The following CYTH1 variants were observed in gnomAD, a reference collection of about 807,000 sequenced individuals.
The protein encoded by CYTH1 is cytohesin 1.
Under a neutral mutation model 61.8 loss-of-function variants are expected in CYTH1, and 18 were observed. The ratio of observed to expected loss-of-function variants is 0.29; its 90% confidence interval spans 0.20 to 0.43. The LOEUF (loss-of-function observed/expected upper bound fraction) is 0.43, where lower values mean the gene tolerates loss of function less well. CYTH1 is among the 20% of genes least tolerant of loss of function. CYTH1 has a pLI of 1.00. For synonymous variants in CYTH1, 174 were observed against 184.3 expected (o/e 0.94, Z 0.45); for missense variants, 336 against 510.5 (o/e 0.66, Z 3.29).
At chr17:78,776,204 C>A (rs1040313275) in intron 1 of CYTH1, among the ~76,000 whole-genome samples, 1 of 152,068 alleles carries the variant, frequency 6.6e-6, no homozygotes, top group Non-Finnish European at 1.5e-5. Context: ...ATAATTGAAT[C>A]ACGGCAACTG....
chr17:78,744,706 A>T (rs2093353255), intron 1 of CYTH1, among the ~76,000 whole-genome samples: 1 of 152,222 alleles, frequency 6.6e-6, no homozygotes, highest in African/African-American at 2.4e-5. Context: ...AGAACTTGCC[A>T]TTCCTTGACA....
intron 10 of CYTH1, among the ~76,000 whole-genome samples, chr17:78,694,623 C>T (rs565698170): frequency 6.6e-6 from 1 of 152,120 alleles, no homozygotes; most frequent in Non-Finnish European, 1.5e-5. Context: ...CACGGAGGCT[C>T]GGCACAAAGG....
At chr17:78,704,631 C>T (rs2093046841) in intron 3 of CYTH1, among the ~76,000 whole-genome samples, 1 of 152,146 alleles carries the variant, frequency 6.6e-6, no homozygotes, top group Non-Finnish European at 1.5e-5. Context: ...AGTGATCCTC[C>T]GGCCTCAGCC....
At chr17:78,715,615 G>A (rs978737854) in intron 1 of CYTH1, among the ~76,000 whole-genome samples, 19 of 152,140 alleles carry the variant, frequency 1.2e-4, no homozygotes, top group African/African-American at 3.6e-4. Context: ...GGCATCATTC[G>A]GTTTCCTCTC....
rs143857574 is a variant in CYTH1, at chr17:78,735,867, T to C, written c.23-26135A>G. On this transcript the variant is annotated intron_variant, in intron 1 of 13. Transcript: ENST00000446868. ...CATCTGATAAGGTGCCACAATAAAA[T>C]ACAATAAAACACACACACATCCACA... is the stretch of plus-strand genomic sequence containing the variant. 2.0e-4 allele frequency among the ~76,000 whole-genome samples: 30 copies of C among 152,268 alleles called. No homozygotes were observed. The East Asian group carries it at 5.8e-3, about 29-fold the overall frequency.
At chr17:78,755,776 T>A (rs2093398239) in intron 1 of CYTH1, among the ~76,000 whole-genome samples, 1 of 151,708 alleles carries the variant, frequency 6.6e-6, no homozygotes, top group South Asian at 2.1e-4. Flanking sequence ...CTGGGCATGG[T>A]GGTGCAAGCC....
intron 1 of CYTH1, among the ~76,000 whole-genome samples, chr17:78,756,638 A>T (rs771879472): frequency 1.4e-4 from 21 of 152,344 alleles, no homozygotes; most frequent in Middle Eastern, 3.4e-3. Flanking sequence ...AAATCTGTCT[A>T]TTCAGAACTA....
At chr17:78,737,753 G>C (rs763258653) in intron 1 of CYTH1, among the ~76,000 whole-genome samples, 3 of 151,838 alleles carry the variant, frequency 2.0e-5, no homozygotes, top group Admixed American at 6.6e-5. Flanking sequence ...TTAGAAAATA[G>C]TAACAAGGAA....
Position 78,675,819 on chromosome 17 carries a change from C to A in CYTH1, c.*272G>T. The A allele has an allele frequency of 1.4e-6, 2 of 1,413,798 alleles. No homozygotes were observed. The highest frequency in any genetic ancestry group is 1.5e-5 in the South Asian group (1 of 64,872). 87.6% of individuals were successfully genotyped at this position (1,413,798 alleles called of 1,614,324 possible). On this transcript the variant is annotated 3_prime_UTR_variant, in exon 14 of 14. Coordinates refer to ENST00000446868, the MANE Select transcript of CYTH1 (RefSeq NM_004762.6). ...CCAGAACACTGAGCAGAGAAACTGG[C>A]CAGGAGGCTGCCCTGCCGACAAGAG...
intron 1 of CYTH1, among the ~76,000 whole-genome samples, chr17:78,732,200 C>G (rs2093298555): frequency 6.6e-6 from 1 of 152,204 alleles, no homozygotes; most frequent in South Asian, 2.1e-4. Flanking sequence ...CCTAAGATAC[C>G]TGCCTTTTCT....
intron 1 of CYTH1, among the ~76,000 whole-genome samples, chr17:78,712,021 G>A (rs572274027): frequency 2.0e-4 from 30 of 151,812 alleles, no homozygotes; most frequent in Admixed American, 2.0e-3. Flanking sequence ...AGAGGTTGCA[G>A]TGAGCCAAGA....
intron 1 of CYTH1, among the ~76,000 whole-genome samples, chr17:78,741,497 A>G (rs2093341739): frequency 6.6e-6 from 1 of 152,232 alleles, no homozygotes; most frequent in South Asian, 2.1e-4. Flanking sequence ...AAACATTCCT[A>G]GAGTGGGAGT....
rs907425708 is a variant in CYTH1, at chr17:78,680,316, T to C, written c.992A>G (p.Asn331Ser). The C allele has an allele frequency of 2.5e-6, 4 of 1,614,076 alleles. No homozygotes were observed. Among genetic ancestry groups the C allele is most frequent in the African/African-American group, 1.3e-5 (1 of 75,022 alleles). Reference sequence around the variant, plus strand: ...GCAGGCCTTGATAACTTGGTCTTTATTGTCGGGGATATAAAGCTCAAAGCA... The same window carrying C: ...GCAGGCCTTGATAACTTGGTCTTTACTGTCGGGGATATAAAGCTCAAAGCA... ...PNCFELYIPD[N>S]KDQVIKACKT... The change falls in exon 13 of 14, where the codon AAT (asparagine) becomes AGT (serine). Residue 331 changes from asparagine (N) to serine (S), a missense_variant. By Grantham distance (46) the Asn-to-Ser change is conservative. Transcript: ENST00000446868.
intron 1 of CYTH1, among the ~76,000 whole-genome samples, chr17:78,764,052 A>C (rs1213752365): frequency 6.6e-6 from 1 of 152,102 alleles, no homozygotes; most frequent in African/African-American, 2.4e-5. Flanking sequence ...CAGAGGTTGC[A>C]GTGAGCCAAG....
At chr17:78,711,044 C>T (rs2093123829) in intron 1 of CYTH1, among the ~76,000 whole-genome samples, 1 of 151,930 alleles carries the variant, frequency 6.6e-6, no homozygotes, top group African/African-American at 2.4e-5. Context: ...GGGCAGATCA[C>T]GAGGTCAGGA....
chr17:78,694,677 C>T (rs1033266917), intron 10 of CYTH1, among the ~76,000 whole-genome samples: 16 of 152,108 alleles, frequency 1.1e-4, no homozygotes, highest in African/African-American at 3.6e-4. Context: ...CATCACAGGA[C>T]ACTACCCGGG....
At chr17:78,759,550 A>C (rs796545203) in intron 1 of CYTH1, among the ~76,000 whole-genome samples, 7 of 152,192 alleles carry the variant, frequency 4.6e-5, no homozygotes, top group African/African-American at 1.7e-4. Context: ...GTAGCTATAT[A>C]CTTGGTAGCT....
intron 1 of CYTH1, among the ~76,000 whole-genome samples, chr17:78,737,960 G>C (rs905527224): frequency 6.6e-6 from 1 of 151,872 alleles, no homozygotes; most frequent in African/African-American, 2.4e-5. Context: ...TTTCATGACT[G>C]TAAATGGACA....
chr17:78,779,959 T>C lies in CYTH1; in HGVS notation c.22+2243A>G, dbSNP rs530965632. Among the ~76,000 whole-genome samples, 73 of 152,372 alleles carry C rather than the reference T, an allele frequency of 4.8e-4. No individual in the cohort carries two copies. The South Asian group carries it at 9.7e-3, about 20-fold the overall frequency. ...CTTACCTCTTTCAAGTACAAGTTCATGTCATGCCTGGTGGCAAAGCAGTCA... is the reference window on the plus strand; with the variant it reads ...CTTACCTCTTTCAAGTACAAGTTCACGTCATGCCTGGTGGCAAAGCAGTCA... On this transcript the variant is annotated intron_variant, in intron 1 of 13. Transcript: ENST00000446868.
Sources: allele counts gnomAD v4.1 joint callset (sites outside exome capture counted in the v4.1 genomes callset), GRCh38; gene constraint gnomAD v4.1.1; transcripts MANE v1.5; gene names NCBI Gene and HGNC (gene_info 2026-07-23, HGNC 2026-07-21).